The following FBXL18 variants were observed in gnomAD, a reference collection of about 807,000 sequenced individuals.
The protein encoded by FBXL18 is F-box/LRR-repeat protein 18.
A neutral mutation model predicts 46.0 loss-of-function variants in FBXL18; 36 were observed. That is an observed-to-expected ratio of 0.78 (90% CI 0.60 to 1.03). The LOEUF is 1.03. Among genes scored for constraint, FBXL18 ranks in the 50% least tolerant of loss-of-function variants. FBXL18 has a pLI of 0.00. For missense variants in FBXL18, 977 were observed against 1,004.1 expected, an observed-to-expected ratio of 0.97 and a Z score of 0.36; for synonymous variants, 557 against 465.3, an observed-to-expected ratio of 1.20 and a Z score of -2.54.
intron 4 of FBXL18, among the ~76,000 whole-genome samples, chr7:5,458,419 G>T (rs1296177114): frequency 1.3e-5 from 2 of 152,194 alleles, no homozygotes; most frequent in Non-Finnish European, 2.9e-5. Context: ...ACAAAAATTG[G>T]CCGGGCGTGG....
At chr7:5,456,326 C>T (rs1783174590) in intron 4 of FBXL18, among the ~76,000 whole-genome samples, 1 of 152,220 alleles carries the variant, frequency 6.6e-6, no homozygotes, top group South Asian at 2.1e-4. Context: ...TCCACTTCAC[C>T]CCTTCCCAAG....
At position 5,504,084 on chromosome 7, in the gene FBXL18, G is replaced by A. The variant is rs140745869; in HGVS notation, c.237+1328C>T. ...GGAGGCCTGGAGGCCTGATACCAGC[G>A]TTGCAGGGAGCACACTCAGCTCCCT... On this transcript the variant is annotated intron_variant, in intron 2 of 4. Transcript: ENST00000382368. Among the ~76,000 whole-genome samples the A allele has an allele frequency of 3.0e-3, 455 of 151,392 alleles. 6 individuals carry two copies. The highest frequency in any genetic ancestry group is 0.01 in the African/African-American group (430 of 41,266).
Position 5,481,509 on chromosome 7 carries a change from G to T in FBXL18, c.*266C>A. ...CAAACCCCCCAGCCAGGCCCCAAGG[G>T]TCAGCCTGGTTCAGCCAGCCCCCCA... On this transcript the variant is annotated 3_prime_UTR_variant, in exon 5 of 5. Transcript: ENST00000382368. 1 of 421,412 alleles carries T rather than the reference G, an allele frequency of 2.4e-6. No individual in the cohort carries two copies. Among genetic ancestry groups the T allele is most frequent in the Non-Finnish European group, 4.3e-6 (1 of 230,600 alleles). The allele number at this position is 421,412 out of a possible 1,614,324, so 26.1% of individuals were successfully genotyped here. A position where few individuals can be genotyped will look rare whatever the true frequency, so the allele number is the denominator to read the frequency against.
Position 5,505,420 on chromosome 7 carries a change from C to T in FBXL18, c.229G>A (p.Asp77Asn). ...CCCCCACGCCTGCTCACCTGATAGT[C>T]CTTTTGCAGCAACACGGTGTGGATG... is the stretch of plus-strand genomic sequence containing the variant. ...SLIHTVLLQK[D>N]YQASEDKVRQ... Residue 77 changes from aspartate to asparagine, a missense_variant, in exon 2 of 5, where the codon GAC becomes AAC. Asp to Asn is a conservative substitution (Grantham distance 23). Transcript: ENST00000382368. 6.2e-7 allele frequency: 1 copy of T among 1,614,066 alleles called. No homozygotes were observed. Among genetic ancestry groups the T allele is most frequent in the South Asian group, 1.1e-5 (1 of 91,066 alleles).
At chr7:5,462,970 AT>A (rs1478681063) in intron 4 of FBXL18, among the ~76,000 whole-genome samples, 1,042 of 13,758 alleles carry the variant, frequency 0.076, 99 homozygotes, top group Middle Eastern at 0.21. Context: ...AAAAAAAAAA[AT>A]ATATATATAT....
intron 4 of FBXL18, among the ~76,000 whole-genome samples, chr7:5,459,799 G>C (rs1055506748): frequency 1.3e-5 from 2 of 151,680 alleles, no homozygotes; most frequent in African/African-American, 4.8e-5. Flanking sequence ...TGTAATCCCA[G>C]CTACTCGGGA....
At chr7:5,484,592 A>G (rs2128234422) in intron 4 of FBXL18, among the ~76,000 whole-genome samples, 1 of 151,784 alleles carries the variant, frequency 6.6e-6, no homozygotes, top group South Asian at 2.1e-4. Flanking sequence ...AGCTCACTGA[A>G]GCCAGTAGCT....
chr7:5,507,505 A>T (rs901320828), intron 1 of FBXL18, among the ~76,000 whole-genome samples: 1 of 152,138 alleles, frequency 6.6e-6, no homozygotes, highest in Non-Finnish European at 1.5e-5. Flanking sequence ...CAGAGGTTAG[A>T]CACTTACTTC....
intron 1 of FBXL18, among the ~76,000 whole-genome samples, chr7:5,513,100 G>GGA (rs1316405473): frequency 6.6e-6 from 1 of 152,124 alleles, no homozygotes; most frequent in Non-Finnish European, 1.5e-5. Context: ...CACATTACAG[G>GGA]GACGCGGCGG....
chr7:5,507,036 G>A (rs754972667), intron 1 of FBXL18, among the ~76,000 whole-genome samples: 1 of 152,188 alleles, frequency 6.6e-6, no homozygotes, highest in Non-Finnish European at 1.5e-5. Context: ...TTTACCAAGG[G>A]GAGCCTCTCA....
intron 1 of FBXL18, among the ~76,000 whole-genome samples, chr7:5,505,952 C>A (rs1394406407): frequency 1.3e-5 from 2 of 152,184 alleles, no homozygotes; most frequent in African/African-American, 4.8e-5. Flanking sequence ...GCAACCTCCG[C>A]CTCCCAGGCT....
At position 5,500,998 on chromosome 7, in the gene FBXL18, G is replaced by A; in HGVS notation, c.1271C>T (p.Ser424Phe). The change falls in exon 3 of 5, where the codon TCT becomes TTT. Residue 424 changes from serine to phenylalanine, a missense_variant. Physicochemically the swap from Ser to Phe is radical, Grantham distance 155. Coordinates refer to ENST00000382368, the MANE Select transcript of FBXL18 (RefSeq NM_024963.6). ...HLRSLSLPVC[S>F]VADSAPRADR... ...GGCGCGCGGCGCGGAGTCAGCGACA[G>A]AGCAGACAGGCAGGGAGAGGGAGCG... 1.3e-6 allele frequency: 2 copies of A among 1,586,644 alleles called. No homozygotes were observed. The highest frequency in any genetic ancestry group is 1.7e-6 in the Non-Finnish European group (2 of 1,169,468).
intron 4 of FBXL18, among the ~76,000 whole-genome samples, chr7:5,486,062 A>AAAATAAATAAATAAAT (rs36047680): frequency 4.2e-4 from 58 of 139,758 alleles, no homozygotes; most frequent in African/African-American, 1.5e-3. Flanking sequence ...CTGTCTCAAA[A>AAAATAAATAAATAAAT]AAATAAATAA....
chr7:5,512,688 T>A (rs1466535313), intron 1 of FBXL18, among the ~76,000 whole-genome samples: 3 of 152,132 alleles, frequency 2.0e-5, no homozygotes, highest in African/African-American at 7.2e-5. Flanking sequence ...CCCCCCTTCT[T>A]CCCTGACCCC....
intron 4 of FBXL18, among the ~76,000 whole-genome samples, chr7:5,483,258 T>C (rs1783692886): frequency 1.3e-5 from 2 of 151,192 alleles, no homozygotes; most frequent in South Asian, 4.2e-4. Context: ...CTGGCCAACA[T>C]GGTGAAACCC....
At chr7:5,512,292 T>C (rs9771075) in intron 1 of FBXL18, among the ~76,000 whole-genome samples, 54,816 of 126,084 alleles carry the variant, frequency 0.43, 11,806 homozygotes, top group Middle Eastern at 0.5. Flanking sequence ...ATGTGAAGTG[T>C]TATTTAAAAA....
At chr7:5,503,655 C>T (rs1784323144) in intron 2 of FBXL18, among the ~76,000 whole-genome samples, 1 of 151,890 alleles carries the variant, frequency 6.6e-6, no homozygotes, top group Non-Finnish European at 1.5e-5. Flanking sequence ...CCACCAGACC[C>T]GGCCAAAAAA....
chr7:5,499,204 A>G (rs936800976), intron 3 of FBXL18, among the ~76,000 whole-genome samples: 5 of 152,022 alleles, frequency 3.3e-5, no homozygotes, highest in African/African-American at 1.2e-4. Context: ...CTGTGCCCTG[A>G]AGTCCATCTG....
Position 5,501,478 on chromosome 7 carries a change from G to T in FBXL18, c.791C>A (p.Ala264Asp). 6.2e-7 allele frequency: 1 copy of T among 1,613,920 alleles called. No individual in the cohort carries two copies. The highest frequency in any genetic ancestry group is 8.5e-7 in the Non-Finnish European group (1 of 1,180,046). ...LSDRTPQNLHAFLISVPGSFA... is the reference protein window; with the variant it reads ...LSDRTPQNLHDFLISVPGSFA... ...GCTGCCAGGGACGGAGATGAGGAAG[G>T]CGTGGAGGTTCTGAGGAGTGCGGTC... The change falls in exon 3 of 5, where the codon GCC becomes GAC. Residue 264 changes from alanine to aspartate, a missense_variant. Ala to Asp is a moderately radical substitution (Grantham distance 126). Transcript: ENST00000382368.
Sources: allele counts gnomAD v4.1 joint callset (sites outside exome capture counted in the v4.1 genomes callset), GRCh38; gene constraint gnomAD v4.1.1; transcripts MANE v1.5; gene names NCBI Gene and HGNC (gene_info 2026-07-23, HGNC 2026-07-21).